The following GMPS variants were observed in gnomAD, a reference collection of about 807,000 sequenced individuals.
The protein encoded by GMPS is guanosine monophosphate synthase.
Under a neutral mutation model 77.9 loss-of-function variants are expected in GMPS, and 15 were observed. The observed-to-expected ratio is 0.19, with a 90% CI of 0.13 to 0.30. The LOEUF (loss-of-function observed/expected upper bound fraction) is 0.30, where lower values mean the gene tolerates loss of function less well. Among genes scored for constraint, GMPS ranks in the 10% least tolerant of loss-of-function variants. The probability of loss-of-function intolerance (pLI) is 1.00; values close to 1 mark genes in which losing one functional copy is unlikely to be tolerated. For synonymous variants in GMPS, 224 were observed against 275.9 expected, an observed-to-expected ratio of 0.81 and a Z score of 1.86; for missense variants, 590 against 838.8, an observed-to-expected ratio of 0.70 and a Z score of 3.66.
At chr3:155,904,257 C>G (rs1026590109) in intron 4 of GMPS, among the ~76,000 whole-genome samples, 1 of 151,338 alleles carries the variant, frequency 6.6e-6, no homozygotes, top group African/African-American at 2.4e-5. Context: ...CCTTTTCACT[C>G]TTTGATCTGT....
At chr3:155,936,186 C>CCATT (rs1755761098) in intron 14 of GMPS, among the ~76,000 whole-genome samples, 152 bp from the exon 15 acceptor site, 1 of 152,148 alleles carries the variant, frequency 6.6e-6, no homozygotes, top group East Asian at 1.9e-4. Flanking sequence ...TTAAAATGCT[C>CCATT]TGCGAGTAGC....
chr3:155,903,886 T>C lies in GMPS; in HGVS notation c.348T>C (p.Gly116=). 3.9e-6 allele frequency: 6 copies of C among 1,538,430 alleles called. No homozygotes were observed. Among genetic ancestry groups the C allele is most frequent in the Non-Finnish European group, 5.3e-6 (6 of 1,125,856 alleles). ...GMQMMNKVFG[G]TVHKKSVRED... The stretch of plus-strand genomic sequence containing the variant: ...AGATGATGAATAAGGTATTTGGAGG[T>C]ACTGTGCACAAAAAAAGTGTCAGAG... Residue 116 remains glycine (G), a synonymous_variant, in exon 4 of 16, where the codon GGT becomes GGC. Coordinates refer to ENST00000496455, the MANE Select transcript of GMPS (RefSeq NM_003875.3).
At chr3:155,898,393 C>T (rs1303437135) in intron 3 of GMPS, among the ~76,000 whole-genome samples, 1 of 152,196 alleles carries the variant, frequency 6.6e-6, no homozygotes, top group Admixed American at 6.5e-5. Context: ...AAGTTGCACA[C>T]GTGATGCCCT....
At chr3:155,882,020 G>T (rs1234677150) in intron 1 of GMPS, among the ~76,000 whole-genome samples, 1 of 151,912 alleles carries the variant, frequency 6.6e-6, no homozygotes, top group African/African-American at 2.4e-5. Context: ...GTGAGCTGAG[G>T]TCGCACCACC....
At chr3:155,929,588 A>G (rs1027065114) in intron 12 of GMPS, among the ~76,000 whole-genome samples, 1 of 148,448 alleles carries the variant, frequency 6.7e-6, no homozygotes, top group Admixed American at 6.8e-5. Context: ...CTGTTTGCAG[A>G]CAACATGATT....
Position 155,911,147 on chromosome 3 carries a change from T to G in GMPS, c.754T>G (p.Cys252Gly). 1 of 1,612,960 alleles carries G rather than the reference T, an allele frequency of 6.2e-7. No homozygotes were observed. Among genetic ancestry groups the G allele is most frequent in the Non-Finnish European group, 8.5e-7 (1 of 1,179,332 alleles). ...LLSGGVDSTV[C>G]TALLNRALNQ... is the part of the protein sequence containing the mutation. ...CAGTGGTGGAGTAGACTCAACAGTTTGTACAGCTTTGCTAAATCGTGCTTT... is the reference window on the plus strand; with the variant it reads ...CAGTGGTGGAGTAGACTCAACAGTTGGTACAGCTTTGCTAAATCGTGCTTT... Residue 252 changes from cysteine (C) to glycine (G), a missense_variant, in exon 7 of 16, where the codon TGT becomes GGT. Physicochemically the swap from Cys to Gly is radical, Grantham distance 159. This residue lies in a region of GMPS where 181 missense variants were observed against 186.8 expected (regional missense o/e 0.97). Transcript: ENST00000496455.
chr3:155,888,698 G>A (rs915367823), intron 1 of GMPS, among the ~76,000 whole-genome samples: 1 of 151,188 alleles, frequency 6.6e-6, no homozygotes, highest in Non-Finnish European at 1.5e-5. Flanking sequence ...CAATTCTCCT[G>A]CCTCAGCCTC....
intron 5 of GMPS, 39 bp from the exon 6 acceptor site, chr3:155,910,653 A>G (rs1560045769): frequency 1.9e-6 from 2 of 1,048,964 alleles, no homozygotes; most frequent in South Asian, 3.6e-5. Flanking sequence ...TCTTTTCAGC[A>G]TGAAAAAATT....
chr3:155,889,094 T>C (rs1480735885), intron 1 of GMPS, among the ~76,000 whole-genome samples: 1 of 152,222 alleles, frequency 6.6e-6, no homozygotes, highest in East Asian at 1.9e-4. Flanking sequence ...CCTTTTTATG[T>C]GAATTTAGTT....
intron 11 of GMPS, among the ~76,000 whole-genome samples, chr3:155,923,487 A>G (rs989534587): frequency 1.3e-5 from 2 of 152,176 alleles, no homozygotes; most frequent in African/African-American, 4.8e-5. Context: ...ACACCTAGTA[A>G]GCACATCTTA....
At chr3:155,931,469 A>T (rs1429648364) in intron 12 of GMPS, among the ~76,000 whole-genome samples, 2 of 152,146 alleles carry the variant, frequency 1.3e-5, no homozygotes, top group Non-Finnish European at 2.9e-5. Context: ...TACAGGCATG[A>T]ACCACTGTGC....
intron 7 of GMPS, among the ~76,000 whole-genome samples, chr3:155,913,397 G>A (rs953742170): frequency 6.6e-6 from 1 of 152,140 alleles, no homozygotes; most frequent in Non-Finnish European, 1.5e-5. Flanking sequence ...ACTAGGGTGT[G>A]ATTCCAACAG....
chr3:155,892,208 A>G (rs1754488379), intron 1 of GMPS, among the ~76,000 whole-genome samples: 1 of 152,182 alleles, frequency 6.6e-6, no homozygotes, highest in Non-Finnish European at 1.5e-5. Flanking sequence ...ATGGCCAGCC[A>G]TACTCTTCCT....
At chr3:155,908,639 T>C (rs1754956748) in intron 5 of GMPS, among the ~76,000 whole-genome samples, 1 of 152,126 alleles carries the variant, frequency 6.6e-6, no homozygotes, top group Non-Finnish European at 1.5e-5. Context: ...TTAGATTGAA[T>C]ATGGAGTGGG....
rs1755900048 is a variant in GMPS at position 155,941,884 on chromosome 3, C to G, written c.*4192C>G. 4.7e-6 allele frequency: 1 copy of G among 213,764 alleles called. No homozygotes were observed. The highest frequency in any genetic ancestry group is 9.5e-6 in the Non-Finnish European group (1 of 105,790). The allele number at this position is 213,764 out of a possible 1,614,324, so 13.2% of individuals were successfully genotyped here. ...TGGCAAGTGAAGAGATATAGAATCC[C>G]CCAAAGAGTGTCAAGATGCTAACTT... On this transcript the variant is annotated 3_prime_UTR_variant, in exon 16 of 16. Transcript: ENST00000496455.
intron 5 of GMPS, 75 bp from the exon 6 acceptor site, chr3:155,910,617 G>A: frequency 3.2e-6 from 2 of 628,002 alleles, no homozygotes; most frequent in Non-Finnish European, 2.6e-6. Context: ...GAGATTGTGA[G>A]AAATTAATTG....
At chr3:155,872,052 A>C in intron 1 of GMPS, among the ~76,000 whole-genome samples, 1 of 152,088 alleles carries the variant, frequency 6.6e-6, no homozygotes, top group Non-Finnish European at 1.5e-5. Context: ...TTTAGGAAAA[A>C]ACTTAATTAA....
intron 1 of GMPS, among the ~76,000 whole-genome samples, chr3:155,884,683 T>C (rs1754289118): frequency 1.3e-5 from 2 of 152,204 alleles, no homozygotes; most frequent in African/African-American, 4.8e-5. Context: ...TGTTCTATTT[T>C]CTTACCCCTA....
rs1755762330 is a variant in GMPS at position 155,936,214 on chromosome 3, G to T, written c.1808-124G>T. The T allele has an allele frequency of 6.3e-6, 4 of 634,632 alleles. No homozygotes were observed. In the East Asian group the frequency reaches 1.1e-4, roughly 17 times the overall value. 39.3% of individuals were successfully genotyped at this position (634,632 alleles called of 1,614,324 possible). ...CGAGTAGCTGAAATCAATGCATGATGACAGTCTTAACTACGCTGTGTGTGT... is the reference window on the plus strand; with the variant it reads ...CGAGTAGCTGAAATCAATGCATGATTACAGTCTTAACTACGCTGTGTGTGT... On this transcript the variant is annotated intron_variant, in intron 14 of 15. Transcript: ENST00000496455.
Sources: gnomAD v4.1 joint callset for allele counts (sites outside exome capture counted in the v4.1 genomes callset) on GRCh38, gnomAD v4.1.1 for gene constraint, gnomAD v4.1.1 regional missense constraint, MANE v1.5 for transcripts, NCBI Gene and HGNC (gene_info 2026-07-23, HGNC 2026-07-21) for gene names.